The following ITPK1 variants were observed in gnomAD, a reference collection of about 807,000 sequenced individuals.
ITPK1 encodes inositol 1,3,4-trisphosphate 5/6-kinase.
A neutral mutation model predicts 45.3 loss-of-function variants in ITPK1; 21 were observed. The observed-to-expected ratio is 0.46, with a 90% CI of 0.33 to 0.67. The LOEUF is 0.67. Ranked by LOEUF, ITPK1 falls within the 30% of genes least tolerant of loss-of-function variation. ITPK1 has a pLI of 0.02. For missense variants in ITPK1, 474 were observed against 573.5 expected, an observed-to-expected ratio of 0.83 and a Z score of 1.77; for synonymous variants, 258 against 253.6, an observed-to-expected ratio of 1.02 and a Z score of -0.16.
At chr14:92,960,532 G>A (rs1307591040) in intron 7 of ITPK1, among the ~76,000 whole-genome samples, 2 of 152,228 alleles carry the variant, frequency 1.3e-5, no homozygotes, top group African/African-American at 2.4e-5. Context: ...GGCAACACAC[G>A]GCACCAGAAT....
chr14:93,103,430 T>G (rs377704706), intron 2 of ITPK1, among the ~76,000 whole-genome samples: 23 of 151,406 alleles, frequency 1.5e-4, no homozygotes, highest in African/African-American at 4.1e-4. Context: ...AAAAAAAAAA[T>G]AAGAAGAAGA....
intron 5 of ITPK1, among the ~76,000 whole-genome samples, chr14:92,993,115 T>C (rs1232768175): frequency 2.6e-5 from 4 of 152,230 alleles, no homozygotes; most frequent in Admixed American, 2.6e-4. Context: ...AATCATGGTC[T>C]GTAGGGCAGG....
rs1887286921 is a variant in ITPK1, at chr14:92,940,116, C to T, written c.*1445G>A. 1 of 985,828 alleles carries T rather than the reference C, an allele frequency of 1.0e-6. No individual in the cohort carries two copies. The highest frequency in any genetic ancestry group is 1.7e-5 in the African/African-American group (1 of 57,376). 61.1% of individuals were successfully genotyped at this position (985,828 alleles called of 1,614,324 possible). Reference sequence around the variant, plus strand: ...TCCTCAAAGTGGGCATCCTGCAGCCCAGCTGAGCCAGGCCGAAGGACCTCC... The same window carrying T: ...TCCTCAAAGTGGGCATCCTGCAGCCTAGCTGAGCCAGGCCGAAGGACCTCC... On this transcript the variant is annotated 3_prime_UTR_variant, in exon 11 of 11. Coordinates refer to ENST00000267615, the MANE Select transcript of ITPK1 (RefSeq NM_014216.6).
chr14:92,996,249 A>G (rs1887050700), intron 4 of ITPK1, among the ~76,000 whole-genome samples: 1 of 152,152 alleles, frequency 6.6e-6, no homozygotes, highest in African/African-American at 2.4e-5. Context: ...CCTGTCTCCA[A>G]AAAAAATAAA....
intron 5 of ITPK1, among the ~76,000 whole-genome samples, chr14:92,972,838 G>A (rs190317129): frequency 5.3e-5 from 8 of 152,270 alleles, no homozygotes; most frequent in African/African-American, 1.7e-4. Context: ...TGATCTGCCC[G>A]CCTCGGCCTC....
At chr14:92,954,360 T>C (rs377048780) in intron 8 of ITPK1, among the ~76,000 whole-genome samples, 15 of 152,260 alleles carry the variant, frequency 9.9e-5, no homozygotes, top group Admixed American at 4.6e-4. Flanking sequence ...GATGGAAAGC[T>C]GAGGCAAGTG....
intron 2 of ITPK1, among the ~76,000 whole-genome samples, chr14:93,109,134 G>A (rs780317180): frequency 2.6e-4 from 40 of 152,176 alleles, no homozygotes; most frequent in Non-Finnish European, 4.7e-4. Flanking sequence ...CATACCAGCA[G>A]AAACCAACAC....
intron 5 of ITPK1, 50 bp downstream of exon 5, chr14:92,993,830 A>G (rs777482362): frequency 8.1e-7 from 1 of 1,228,730 alleles, no homozygotes; most frequent in Non-Finnish European, 1.2e-6. Flanking sequence ...CCACTTTGTG[A>G]CCACAAAGGT....
intron 3 of ITPK1, chr14:93,066,167 A>G (rs142063990): frequency 4.5e-6 from 2 of 444,084 alleles, no homozygotes; most frequent in Non-Finnish European, 9.1e-6. Flanking sequence ...ACAATACCTC[A>G]GTCCTTAATT....
intron 5 of ITPK1, among the ~76,000 whole-genome samples, chr14:92,965,718 T>C (rs1340441483): frequency 2.0e-5 from 3 of 152,240 alleles, no homozygotes; most frequent in Non-Finnish European, 2.9e-5. Flanking sequence ...AAATTATATT[T>C]ATGGGTCTGG....
intron 5 of ITPK1, among the ~76,000 whole-genome samples, chr14:92,976,884 G>A (rs1174226135): frequency 2.6e-5 from 4 of 152,196 alleles, no homozygotes; most frequent in African/African-American, 9.7e-5. Context: ...TCCCACTTAA[G>A]AACACTGAGT....
intron 10 of ITPK1, among the ~76,000 whole-genome samples, chr14:92,942,705 A>G (rs976928435): frequency 5.3e-5 from 8 of 149,996 alleles, no homozygotes; most frequent in African/African-American, 2.0e-4. Flanking sequence ...GCCTGGGGCA[A>G]GTGCTTCCTA....
At chr14:92,997,172 C>G (rs1887097247) in intron 4 of ITPK1, among the ~76,000 whole-genome samples, 1 of 152,208 alleles carries the variant, frequency 6.6e-6, no homozygotes, top group African/African-American at 2.4e-5. Flanking sequence ...CCCAATTCTC[C>G]CTCAGCAACC....
chr14:93,066,778 C>T (rs1428462051), intron 3 of ITPK1, among the ~76,000 whole-genome samples: 1 of 152,146 alleles, frequency 6.6e-6, no homozygotes, highest in African/African-American at 2.4e-5. Context: ...ATGCCAGGTC[C>T]TTACTCAACT....
chr14:93,076,752 T>A lies in ITPK1; in HGVS notation c.96-133A>T. 1.0e-6 allele frequency: 1 copy of A among 988,686 alleles called. No individual in the cohort carries two copies. The highest frequency in any genetic ancestry group is 1.6e-6 in the Non-Finnish European group (1 of 631,878). 61.2% of individuals were successfully genotyped at this position (988,686 alleles called of 1,614,324 possible). On this transcript the variant is annotated intron_variant, in intron 2 of 10. Transcript: ENST00000267615. This position sits in a 1 kb window ranked among gnomAD's most constrained non-coding sequence, Gnocchi z 4.3. ...AGGGAGCCGGCAGCTGCGCCTCTCC[T>A]GCTACTGTCCCAGAACAGCCATGCC...
chr14:92,991,697 G>A (rs1056976513), intron 5 of ITPK1, among the ~76,000 whole-genome samples: 1 of 151,980 alleles, frequency 6.6e-6, no homozygotes, highest in African/African-American at 2.4e-5. Flanking sequence ...GACTTCCTAC[G>A]GTCCACCTCA....
chr14:92,990,385 A>C (rs1245264077), intron 5 of ITPK1, among the ~76,000 whole-genome samples: 1 of 123,206 alleles, frequency 8.1e-6, no homozygotes, highest in Admixed American at 8.8e-5. Context: ...AAGGAGCTAG[A>C]AGGAGCCAGG....
chr14:93,047,271 T>TA (rs1173397828), intron 3 of ITPK1, among the ~76,000 whole-genome samples: 2 of 152,230 alleles, frequency 1.3e-5, no homozygotes, highest in Admixed American at 1.3e-4. Flanking sequence ...GGGCAAGTGA[T>TA]ACAGTCCTGG....
At chr14:93,099,133 TC>T (rs1446220686) in intron 2 of ITPK1, among the ~76,000 whole-genome samples, 2 of 152,086 alleles carry the variant, frequency 1.3e-5, no homozygotes, top group African/African-American at 4.8e-5. Flanking sequence ...CAGCATGTCC[TC>T]CCCGCAGTTC....
Sources: allele counts gnomAD v4.1 joint callset (sites outside exome capture counted in the v4.1 genomes callset), GRCh38; gene constraint gnomAD v4.1.1; non-coding constraint Gnocchi (gnomAD v3.1); transcripts MANE v1.5; gene names NCBI Gene and HGNC (gene_info 2026-07-23, HGNC 2026-07-21).